Variants in PKHD1 observed in about 807,000 individuals in gnomAD.
PKHD1 encodes the protein PKHD1 ciliary IPT domain containing fibrocystin/polyductin, also known as fibrocystin.
Under a neutral mutation model 412.0 loss-of-function variants are expected in PKHD1, and 291 were observed. The observed-to-expected ratio is 0.71, with a 90% CI of 0.64 to 0.78. The LOEUF is 0.78. Ranked by LOEUF, PKHD1 falls within the 30% of genes least tolerant of loss-of-function variation. PKHD1 has a pLI of 0.00. For synonymous variants in PKHD1, 1,777 were observed against 1,821.5 expected, an observed-to-expected ratio of 0.98 and a Z score of 0.62; for missense variants, 4,825 against 4,950.7, an observed-to-expected ratio of 0.97 and a Z score of 0.76.
chr6:51,632,654 A>T lies in PKHD1; in HGVS notation c.11576T>A (p.Ile3859Asn). ...AGAGGACAGGGAAGCAGCCAGGATG[A>T]TGGTCGACTTCTCCTTCCTAGTCAC... ...LPVTRKEKSTIILAASLSSVA... is the reference protein window; with the variant it reads ...LPVTRKEKSTNILAASLSSVA... The change falls in exon 65 of 67, where the codon ATC (isoleucine) becomes AAC (asparagine). Residue 3859 changes from isoleucine (I) to asparagine (N), a missense_variant. Transcript: ENST00000371117. 6.2e-7 allele frequency: 1 copy of T among 1,613,458 alleles called. No individual in the cohort carries two copies. Among genetic ancestry groups the T allele is most frequent in the African/African-American group, 1.3e-5 (1 of 75,002 alleles).
chr6:52,015,735 A>G (rs532296968), intron 34 of PKHD1, among the ~76,000 whole-genome samples: 1 of 152,160 alleles, frequency 6.6e-6, no homozygotes, highest in African/African-American at 2.4e-5. Flanking sequence ...GAGGCAGGAG[A>G]ATGGCTTGAA....
intron 35 of PKHD1, among the ~76,000 whole-genome samples, chr6:51,962,269 T>A (rs1792160023): frequency 1.3e-5 from 2 of 152,106 alleles, no homozygotes; most frequent in African/African-American, 4.8e-5. Context: ...CCAGGGCTCA[T>A]TACACACACA....
At position 51,847,713 on chromosome 6, in the gene PKHD1, G is replaced by A. The variant is rs1771452818; in HGVS notation, c.8107+62C>T. 3 of 1,166,552 alleles carry A rather than the reference G, an allele frequency of 2.6e-6. No individual in the cohort carries two copies. In the Middle Eastern group the frequency reaches 6.0e-4, roughly 232 times the overall value. 72.3% of individuals were successfully genotyped at this position (1,166,552 alleles called of 1,614,324 possible). A position where few individuals can be genotyped will look rare whatever the true frequency, so the allele number is the denominator to read the frequency against. On this transcript the variant is annotated intron_variant, in intron 50 of 66. Coordinates refer to ENST00000371117, the MANE Select transcript of PKHD1 (RefSeq NM_138694.4). ...CTTCACAGCACAAATGTCTGGAATT[G>A]AAGGGTGATTGGTGATTTCTGACTA...
Position 51,992,116 on chromosome 6 carries a change from G to A in PKHD1, c.5751+18193C>T, listed in dbSNP as rs56057172. Among the ~76,000 whole-genome samples the A allele has an allele frequency of 2.6e-5, 4 of 152,176 alleles. No individual in the cohort carries two copies. The East Asian group carries it at 7.7e-4, about 29-fold the overall frequency. ...GGTTATCAACCTGTAAAATTGAGAT[G>A]ATAATAGTCATCACTTTAAAGTTTC... On this transcript the variant is annotated intron_variant, in intron 35 of 66. Coordinates refer to ENST00000371117, the MANE Select transcript of PKHD1 (RefSeq NM_138694.4).
chr6:51,742,969 C>A (rs1178281938), intron 60 of PKHD1, among the ~76,000 whole-genome samples: 1 of 151,940 alleles, frequency 6.6e-6, no homozygotes, highest in East Asian at 1.9e-4. Context: ...AAAGCCAGCA[C>A]AAACGCCCTG....
At chr6:51,862,227 T>C (rs1045120301) in intron 48 of PKHD1, among the ~76,000 whole-genome samples, 4 of 152,336 alleles carry the variant, frequency 2.6e-5, no homozygotes, top group South Asian at 4.1e-4. Context: ...ATTTTCACTA[T>C]AGAATTAGGC....
At chr6:52,058,734 T>A (rs1808193926) in intron 15 of PKHD1, 133 bp from the exon 16 acceptor site, 1 of 817,318 alleles carries the variant, frequency 1.2e-6, no homozygotes, top group South Asian at 1.5e-5. Context: ...ATTAACCCAG[T>A]TACCTCAGCC....
intron 53 of PKHD1, among the ~76,000 whole-genome samples, chr6:51,788,342 C>G (rs139089881): frequency 6.6e-6 from 1 of 151,906 alleles, no homozygotes; most frequent in Non-Finnish European, 1.5e-5. Context: ...CTGTTGACAC[C>G]TCCATTTCCA....
chr6:51,635,454 C>T (rs909663826), intron 64 of PKHD1, among the ~76,000 whole-genome samples: 10 of 152,140 alleles, frequency 6.6e-5, no homozygotes, highest in African/African-American at 2.2e-4. Flanking sequence ...TATTCATAAA[C>T]AAATATTTAT....
chr6:51,888,303 A>C (rs1778527426), intron 43 of PKHD1, among the ~76,000 whole-genome samples: 1 of 152,194 alleles, frequency 6.6e-6, no homozygotes, highest in Non-Finnish European at 1.5e-5. Context: ...CTTGGACCAT[A>C]TGAGTTTGGG....
At chr6:51,882,762 T>C (rs900304214) in intron 46 of PKHD1, among the ~76,000 whole-genome samples, 8 of 152,148 alleles carry the variant, frequency 5.3e-5, no homozygotes, top group African/African-American at 1.9e-4. Flanking sequence ...GTGAATCACA[T>C]ACAAAATAAC....
chr6:52,030,157 A>G (rs9370092), intron 29 of PKHD1, among the ~76,000 whole-genome samples: 69,339 of 152,058 alleles, frequency 0.46, 17,536 homozygotes, highest in Admixed American at 0.58. Context: ...ATGAAGAGGA[A>G]AAAGAGGTTG....
intron 55 of PKHD1, among the ~76,000 whole-genome samples, chr6:51,756,525 G>T (rs1368266008): frequency 6.6e-6 from 1 of 152,058 alleles, no homozygotes; most frequent in Non-Finnish European, 1.5e-5. Flanking sequence ...CCATACAATG[G>T]AATACTGTAT....
chr6:51,821,171 T>C (rs1766357950), intron 52 of PKHD1, among the ~76,000 whole-genome samples: 1 of 152,192 alleles, frequency 6.6e-6, no homozygotes, highest in Non-Finnish European at 1.5e-5. Flanking sequence ...CTTAGGGCAA[T>C]AAAACTAGGT....
At chr6:51,806,695 GT>G (rs34943514) in intron 52 of PKHD1, among the ~76,000 whole-genome samples, 86,353 of 151,520 alleles carry the variant, frequency 0.57, 24,950 homozygotes, top group East Asian at 0.78. Flanking sequence ...ATAGATGAGG[GT>G]TTTTTTTTAA....
chr6:51,764,327 C>T (rs1272214325), intron 55 of PKHD1, among the ~76,000 whole-genome samples: 8 of 149,830 alleles, frequency 5.3e-5, no homozygotes, highest in South Asian at 2.2e-4. Flanking sequence ...TCATCATCAC[C>T]AGCCATCAGA....
chr6:51,816,949 A>G (rs2151429701), intron 52 of PKHD1, among the ~76,000 whole-genome samples: 1 of 152,334 alleles, frequency 6.6e-6, no homozygotes, highest in Non-Finnish European at 1.5e-5. Context: ...GTGAGGGTGA[A>G]GGAAAACATA....
intron 5 of PKHD1, 120 bp downstream of exon 5, chr6:52,079,780 C>A: frequency 1.3e-6 from 1 of 768,820 alleles, no homozygotes; most frequent in Non-Finnish European, 2.4e-6. Flanking sequence ...TCATTACCAT[C>A]CACCATTTTC....
Position 52,071,188 on chromosome 6 carries a change from GA to G in PKHD1, c.603-119del. ...ACCAAATTTGCTAGAGAAAATGGTAGACAGAGAAAGTATAATGAGTTCATTA... is the reference window on the plus strand; with the variant it reads ...ACCAAATTTGCTAGAGAAAATGGTAGCAGAGAAAGTATAATGAGTTCATTA... On this transcript the variant is annotated intron_variant, in intron 8 of 66. Coordinates refer to ENST00000371117, the MANE Select transcript of PKHD1 (RefSeq NM_138694.4). 4 of 752,886 alleles carry G rather than the reference GA, an allele frequency of 5.3e-6. No homozygotes were observed. In the East Asian group the frequency reaches 1.0e-4, roughly 19 times the overall value. 46.6% of individuals were successfully genotyped at this position (752,886 alleles called of 1,614,324 possible). A position where few individuals can be genotyped will look rare whatever the true frequency, so the allele number is the denominator to read the frequency against.
Sources: gnomAD v4.1 joint callset for allele counts (sites outside exome capture counted in the v4.1 genomes callset) on GRCh38, gnomAD v4.1.1 for gene constraint, MANE v1.5 for transcripts, NCBI Gene and HGNC (gene_info 2026-07-23, HGNC 2026-07-21) for gene names.